The following CIB4 variants were observed in gnomAD, a reference collection of about 807,000 sequenced individuals.
The protein encoded by CIB4 is calcium and integrin-binding family member 4.
CIB4 carries 25 observed loss-of-function variants against 25.8 expected under a neutral mutation model. The observed-to-expected ratio is 0.97, with a 90% CI of 0.71 to 1.35. The LOEUF is 1.35. Ranked by LOEUF, CIB4 falls within the 40% of genes most tolerant of loss-of-function variation. The pLI is 0.00. For synonymous variants in CIB4, 75 were observed against 81.4 expected (o/e 0.92, Z 0.42); for missense variants, 235 against 228.2 (o/e 1.03, Z -0.19).
At chr2:26,607,843 G>A (rs574049085) in intron 3 of CIB4, among the ~76,000 whole-genome samples, 1 of 152,262 alleles carries the variant, frequency 6.6e-6, no homozygotes, top group Non-Finnish European at 1.5e-5. Context: ...GCAGAAATGT[G>A]TGTTCTGGCT....
chr2:26,628,255 A>C (rs1465339810), intron 3 of CIB4, among the ~76,000 whole-genome samples: 1 of 152,170 alleles, frequency 6.6e-6, no homozygotes, highest in Non-Finnish European at 1.5e-5. Context: ...GCCTCTTCAT[A>C]ACAGGGATAA....
intron 4 of CIB4, among the ~76,000 whole-genome samples, chr2:26,591,096 A>T (rs373498844): frequency 6.6e-6 from 1 of 152,240 alleles, no homozygotes; most frequent in Admixed American, 6.5e-5. Context: ...ATGGAAAGTC[A>T]GCGGAGGCAG....
chr2:26,581,487 G>T, intron 6 of CIB4, 94 bp from the exon 7 acceptor site: 1 of 1,240,372 alleles, frequency 8.1e-7, no homozygotes, highest in Non-Finnish European at 1.2e-6. Context: ...CTCCCTCCCC[G>T]GCCTGCATCT....
intron 3 of CIB4, among the ~76,000 whole-genome samples, chr2:26,606,187 A>C (rs1449572881): frequency 6.6e-6 from 1 of 152,250 alleles, no homozygotes; most frequent in Non-Finnish European, 1.5e-5. Flanking sequence ...GGGCCCCCCA[A>C]AATGATGCAG....
intron 3 of CIB4, among the ~76,000 whole-genome samples, chr2:26,595,564 T>G (rs1287406083): frequency 1.3e-5 from 2 of 152,234 alleles, no homozygotes; most frequent in African/African-American, 4.8e-5. Context: ...CAATTGAAGA[T>G]AATGGTTATA....
intron 3 of CIB4, among the ~76,000 whole-genome samples, chr2:26,607,773 A>G (rs939175991): frequency 9.2e-5 from 14 of 152,214 alleles, no homozygotes; most frequent in Admixed American, 3.3e-4. Context: ...TTGAGCTCCA[A>G]GCAAAGCTGT....
chr2:26,607,905 G>C (rs1354472946), intron 3 of CIB4, among the ~76,000 whole-genome samples: 1 of 152,254 alleles, frequency 6.6e-6, no homozygotes, highest in Non-Finnish European at 1.5e-5. Context: ...AGGCTGATGT[G>C]AATGTCACCT....
intron 3 of CIB4, among the ~76,000 whole-genome samples, chr2:26,598,957 G>GA (rs144370999): frequency 0.019 from 2,836 of 152,292 alleles, 112 homozygotes; most frequent in African/African-American, 0.065. Flanking sequence ...AGGGGAAGCT[G>GA]AAAGAGCAAG....
chr2:26,623,049 G>A (rs1261899013), intron 3 of CIB4, among the ~76,000 whole-genome samples: 2 of 151,582 alleles, frequency 1.3e-5, no homozygotes, highest in African/African-American at 4.8e-5. Flanking sequence ...TTTTTAATTA[G>A]AATAAAAATT....
intron 6 of CIB4, 26 bp downstream of exon 6, chr2:26,582,799 G>A: frequency 2.7e-6 from 4 of 1,492,084 alleles, no homozygotes; most frequent in Non-Finnish European, 3.7e-6. Context: ...CTCCTGGACA[G>A]TCTCACCCCC....
At chr2:26,592,389 G>A (rs1668601269) in intron 4 of CIB4, among the ~76,000 whole-genome samples, 1 of 152,242 alleles carries the variant, frequency 6.6e-6, no homozygotes, top group Admixed American at 6.5e-5. Flanking sequence ...GTAAGGAAGG[G>A]GGAACGCTGG....
chr2:26,634,724 C>T (rs982298477), intron 2 of CIB4, among the ~76,000 whole-genome samples: 2 of 152,152 alleles, frequency 1.3e-5, no homozygotes, highest in African/African-American at 4.8e-5. Flanking sequence ...TTGAGGTGCC[C>T]GTTAATGGCC....
At chr2:26,619,527 C>T (rs139488882) in intron 3 of CIB4, among the ~76,000 whole-genome samples, 1 of 152,248 alleles carries the variant, frequency 6.6e-6, no homozygotes, top group Non-Finnish European at 1.5e-5. Context: ...GTGAAAGATC[C>T]CTTGCATCAA....
At chr2:26,641,166 C>T (rs1051503343) in intron 1 of CIB4, 95 bp downstream of exon 1, 17 of 1,076,306 alleles carry the variant, frequency 1.6e-5, no homozygotes, top group South Asian at 1.4e-4. Context: ...AATTGGACAC[C>T]CCTGCTAGAG....
intron 5 of CIB4, among the ~76,000 whole-genome samples, chr2:26,583,276 C>G (rs1050086712): frequency 1.3e-5 from 2 of 152,174 alleles, no homozygotes; most frequent in African/African-American, 4.8e-5. Flanking sequence ...CTTCTAGTCC[C>G]CATCGAGACT....
At position 26,616,790 on chromosome 2, in the gene CIB4, C is replaced by T. The variant is rs118022365; in HGVS notation, c.186+12620G>A. On this transcript the variant is annotated intron_variant, in intron 3 of 6. Transcript: ENST00000288861. ...AGACATGTGCACACGTGTGTATCCACACAGGCACACACACGTGTCACCTGC... is the reference window on the plus strand; with the variant it reads ...AGACATGTGCACACGTGTGTATCCATACAGGCACACACACGTGTCACCTGC... Among the ~76,000 whole-genome samples, 213 of 152,348 alleles carry T rather than the reference C, an allele frequency of 1.4e-3. 5 individuals are homozygous for T. The East Asian group carries it at 0.034, about 25-fold the overall frequency.
At chr2:26,615,000 C>T (rs1464064558) in intron 3 of CIB4, among the ~76,000 whole-genome samples, 2 of 152,182 alleles carry the variant, frequency 1.3e-5, no homozygotes, top group Non-Finnish European at 2.9e-5. Flanking sequence ...ATGAGAAAAT[C>T]TTCCCAGGAA....
rs773299975 is a variant in CIB4 at position 26,582,830 on chromosome 2, G to T, written c.522C>A (p.Phe174Leu). Residue 174 changes from phenylalanine to leucine, a missense_variant, in exon 6 of 7, where the codon TTC becomes TTA. Coordinates refer to ENST00000288861, the MANE Select transcript of CIB4 (RefSeq NM_001029881.3). The part of the protein sequence containing the change: ...FEHAMAKSPD[F>L]MNSFRIHFWG... ...CCCCCTCCAGAATGCCTTACTTCAT[G>T]AAATCTGGAGACTTGGCCATTGCAT... The T allele has an allele frequency of 8.1e-6, 13 of 1,609,640 alleles. No individual in the cohort carries two copies. In the South Asian group the frequency reaches 1.2e-4, roughly 15 times the overall value.
intron 4 of CIB4, among the ~76,000 whole-genome samples, chr2:26,585,224 C>T (rs752172365): frequency 1.3e-4 from 20 of 151,232 alleles, no homozygotes; most frequent in Non-Finnish European, 2.1e-4. Context: ...GGGCAGAGAC[C>T]GAGGCACCCT....
Sources: gnomAD v4.1 joint callset for allele counts (sites outside exome capture counted in the v4.1 genomes callset) on GRCh38, gnomAD v4.1.1 for gene constraint, MANE v1.5 for transcripts, NCBI Gene and HGNC (gene_info 2026-07-23, HGNC 2026-07-21) for gene names.